The following PRIMPOL variants were observed in gnomAD, a reference collection of about 807,000 sequenced individuals.
PRIMPOL encodes the protein primase and DNA directed polymerase.
In PRIMPOL, 54 loss-of-function variants were observed where a neutral mutation model predicts 63.6. The observed-to-expected ratio is 0.85, with a 90% CI of 0.68 to 1.07. The LOEUF is 1.07. Ranked by LOEUF, PRIMPOL falls within the 50% of genes least tolerant of loss-of-function variation. PRIMPOL has a pLI of 0.00. For missense variants in PRIMPOL, 610 were observed against 648.3 expected (o/e 0.94, Z 0.64); for synonymous variants, 197 against 220.2 (o/e 0.89, Z 0.93).
chr4:184,658,030 AT>A (rs1221531547), intron 3 of PRIMPOL, among the ~76,000 whole-genome samples: 34 of 148,578 alleles, frequency 2.3e-4, no homozygotes, highest in Non-Finnish European at 3.6e-4. Flanking sequence ...AAATAAATAA[AT>A]AAATATCACT....
At chr4:184,692,623 CT>C (rs895007171) in intron 13 of PRIMPOL, among the ~76,000 whole-genome samples, 2 of 133,160 alleles carry the variant, frequency 1.5e-5, no homozygotes, top group African/African-American at 4.0e-5. Context: ...TGCTCATTTT[CT>C]TTTTTTTTGA....
rs955838917 is a variant in PRIMPOL at position 184,673,599 on chromosome 4, A to G, written c.844+1139A>G. ...GCCACCACGCCCAGCTAATTTTTGTATTTTTAGTACAGACGGGGTTTCACC... is the reference window on the plus strand; with the variant it reads ...GCCACCACGCCCAGCTAATTTTTGTGTTTTTAGTACAGACGGGGTTTCACC... On this transcript the variant is annotated intron_variant, in intron 7 of 13. Coordinates refer to ENST00000314970, the MANE Select transcript of PRIMPOL (RefSeq NM_152683.4). Among the ~76,000 whole-genome samples the G allele has an allele frequency of 4.0e-5, 6 of 150,838 alleles. No individual in the cohort carries two copies. In the East Asian group the frequency reaches 1.2e-3, roughly 29 times the overall value.
At chr4:184,674,531 A>AG (rs2150103555) in intron 7 of PRIMPOL, among the ~76,000 whole-genome samples, 1 of 152,308 alleles carries the variant, frequency 6.6e-6, no homozygotes, top group South Asian at 2.1e-4. Context: ...AATCATATAC[A>AG]GTTGACTCTT....
intron 8 of PRIMPOL, among the ~76,000 whole-genome samples, chr4:184,678,908 A>T (rs1754845108): frequency 6.6e-6 from 1 of 151,928 alleles, no homozygotes; most frequent in Admixed American, 6.6e-5. Context: ...TGAACACTTA[A>T]TTTTCTCTAT....
intron 11 of PRIMPOL, among the ~76,000 whole-genome samples, chr4:184,688,437 C>G (rs1757568180): frequency 6.6e-6 from 1 of 152,208 alleles, no homozygotes; most frequent in Non-Finnish European, 1.5e-5. Context: ...GATGGATAAT[C>G]AAATTACATC....
rs1378514895 is a variant in PRIMPOL at position 184,659,421 on chromosome 4, T to G, written c.262T>G (p.Phe88Val). 3 of 1,611,930 alleles carry G rather than the reference T, an allele frequency of 1.9e-6. No individual in the cohort carries two copies. Among genetic ancestry groups the G allele is most frequent in the Non-Finnish European group, 2.5e-6 (3 of 1,178,000 alleles). The change falls in exon 4 of 14, where the codon TTT becomes GTT. Residue 88 changes from phenylalanine (F) to valine (V), a missense_variant. By Grantham distance (50) the Phe-to-Val change is conservative. Around this residue, in one of 3 missense-constraint regions of PRIMPOL, gnomAD observed 159 missense variants for 168.9 expected, o/e 0.94. Coordinates refer to ENST00000314970, the MANE Select transcript of PRIMPOL (RefSeq NM_152683.4). ...YLVTTYAEFWFYYKSRKNLLH... is the reference protein window; with the variant it reads ...YLVTTYAEFWVYYKSRKNLLH... ...TGTGACAACCTATGCTGAATTTTGG[T>G]TTTACTATAAATCCAGGTAGGTAGC... is the stretch of plus-strand genomic sequence containing the variant.
At chr4:184,683,016 C>T (rs1465567239) in intron 9 of PRIMPOL, among the ~76,000 whole-genome samples, 3 of 152,198 alleles carry the variant, frequency 2.0e-5, no homozygotes, top group African/African-American at 7.2e-5. Flanking sequence ...TGCCATTGCA[C>T]TCCAGCCTGG....
In PRIMPOL at chr4:184,661,848, A is replaced by G. The variant is rs758006427; in HGVS notation, c.353A>G (p.Asn118Ser). The G allele has an allele frequency of 4.0e-5, 65 of 1,613,786 alleles. No homozygotes were observed. The highest frequency in any genetic ancestry group is 5.3e-5 in the Non-Finnish European group (63 of 1,179,818). The change falls in exon 5 of 14, where the codon AAC (asparagine) becomes AGC (serine). Residue 118 changes from asparagine (N) to serine (S), a missense_variant. By Grantham distance (46) the Asn-to-Ser change is conservative. Transcript: ENST00000314970. ...VCKLYFDLEFNKPANPGADGK... is the reference protein window; with the variant it reads ...VCKLYFDLEFSKPANPGADGK... The stretch of plus-strand genomic sequence containing the variant: ...AAGCTTTATTTTGATTTGGAATTTA[A>G]CAAACCTGCCAACCCAGGAGCTGAT...
chr4:184,669,505 C>G (rs1230339526), intron 6 of PRIMPOL, among the ~76,000 whole-genome samples: 1 of 152,178 alleles, frequency 6.6e-6, no homozygotes. Flanking sequence ...TTGCCGTGTA[C>G]TGGTCATCGT....
At chr4:184,678,736 CA>C in intron 8 of PRIMPOL, among the ~76,000 whole-genome samples, 1 of 152,000 alleles carries the variant, frequency 6.6e-6, no homozygotes, top group Non-Finnish European at 1.5e-5. Context: ...CCATGTTAGC[CA>C]GGCTTGTCTC....
chr4:184,686,310 C>T (rs892509169), intron 11 of PRIMPOL, among the ~76,000 whole-genome samples: 1 of 152,112 alleles, frequency 6.6e-6, no homozygotes, highest in Non-Finnish European at 1.5e-5. Context: ...GGGAAGCATG[C>T]CTGTCCTTCC....
At chr4:184,691,808 C>A in intron 13 of PRIMPOL, 96 bp downstream of exon 13, 2 of 852,688 alleles carry the variant, frequency 2.3e-6, no homozygotes, top group Non-Finnish European at 3.8e-6. Flanking sequence ...CATTGAAACC[C>A]ATTTGCTACC....
chr4:184,694,551 T>C lies in PRIMPOL; in HGVS notation c.1455T>C (p.Asp485=), dbSNP rs746562224. 2.2e-5 allele frequency: 36 copies of C among 1,612,660 alleles called. No homozygotes were observed. Among genetic ancestry groups the C allele is most frequent in the Non-Finnish European group, 2.5e-5 (30 of 1,179,846 alleles). ...AAGAGTTTACAACAGATGAAGCAGA[T>C]GAAACTAGGAGCAATGAAACCCAGA... ...EEEEFTTDEA[D]ETRSNETQNP... is the part of the protein sequence containing the mutation. The change falls in exon 14 of 14, where the codon GAT becomes GAC. Residue 485 remains aspartate (D), a synonymous_variant. Transcript: ENST00000314970.
At chr4:184,678,655 G>A (rs1319511707) in intron 8 of PRIMPOL, among the ~76,000 whole-genome samples, 1 of 150,924 alleles carries the variant, frequency 6.6e-6, no homozygotes, top group Non-Finnish European at 1.5e-5. Context: ...AGTCTCCCAA[G>A]TAGCTGGGAC....
chr4:184,681,960 A>C (rs1406176681), intron 8 of PRIMPOL, among the ~76,000 whole-genome samples: 4 of 152,214 alleles, frequency 2.6e-5, no homozygotes. Flanking sequence ...GGGCTTCAGC[A>C]GTCCTAGAGT....
At chr4:184,670,464 C>T (rs1156802283) in intron 6 of PRIMPOL, among the ~76,000 whole-genome samples, 2 of 152,068 alleles carry the variant, frequency 1.3e-5, no homozygotes, top group Non-Finnish European at 2.9e-5. Flanking sequence ...CATATCATTG[C>T]AAGCACCAAA....
intron 2 of PRIMPOL, among the ~76,000 whole-genome samples, chr4:184,653,282 G>T (rs1745255442): frequency 6.6e-6 from 1 of 152,226 alleles, no homozygotes; most frequent in Admixed American, 6.5e-5. Flanking sequence ...GCAAGGCTGG[G>T]CATAAACGCA....
At chr4:184,679,925 C>T (rs189877046) in intron 8 of PRIMPOL, among the ~76,000 whole-genome samples, 175 of 152,246 alleles carry the variant, frequency 1.1e-3, no homozygotes, top group South Asian at 4.8e-3. Flanking sequence ...TCCAGGAAAC[C>T]GGTTCCTGGT....
In PRIMPOL at chr4:184,682,348, G is replaced by T; in HGVS notation, c.1096+12G>T. 1 of 1,467,666 alleles carries T rather than the reference G, an allele frequency of 6.8e-7. No individual in the cohort carries two copies. The highest frequency in any genetic ancestry group is 1.1e-5 in the South Asian group (1 of 87,396). 90.9% of individuals were successfully genotyped at this position (1,467,666 alleles called of 1,614,324 possible). The stretch of plus-strand genomic sequence containing the variant: ...TATCGGCACTTCAGGTAAATTTTTT[G>T]ATGTTTGTTTTTCTTTTTGAGACAG... On this transcript the variant is annotated intron_variant, in intron 9 of 13. Transcript: ENST00000314970.
Sources: gnomAD v4.1 joint callset for allele counts (sites outside exome capture counted in the v4.1 genomes callset) on GRCh38, gnomAD v4.1.1 for gene constraint, gnomAD v4.1.1 regional missense constraint, MANE v1.5 for transcripts, NCBI Gene and HGNC (gene_info 2026-07-23, HGNC 2026-07-21) for gene names.